Variants in VBP1 observed in about 807,000 individuals in gnomAD.
VBP1 encodes prefoldin subunit 3.
A neutral mutation model predicts 15.5 loss-of-function variants in VBP1; 4 were observed. The observed-to-expected ratio is 0.26, with a 90% CI of 0.13 to 0.59. The LOEUF (loss-of-function observed/expected upper bound fraction) is 0.59, where lower values mean the gene tolerates loss of function less well. Ranked by LOEUF, VBP1 falls within the 20% of genes least tolerant of loss-of-function variation. VBP1 has a pLI of 0.90. For synonymous variants in VBP1, 61 were observed against 52.1 expected (o/e 1.17, Z -0.74); for missense variants, 108 against 139.6 (o/e 0.77, Z 1.14).
At chrX:155,199,686 A>G (rs2074594097) in intron 1 of VBP1, among the ~76,000 whole-genome samples, 2 of 112,276 alleles carry the variant, frequency 1.8e-5, no homozygotes, top group Admixed American at 1.9e-4. Context: ...GAGGCTAGGA[A>G]GTAACTGCAT....
chrX:155,237,397 G>T (rs2074779239), intron 5 of VBP1, among the ~76,000 whole-genome samples: 1 of 111,813 alleles, frequency 8.9e-6, no homozygotes, highest in South Asian at 3.7e-4. Context: ...AACCTTTTTA[G>T]GTTCCTCTCA....
intron 1 of VBP1, among the ~76,000 whole-genome samples, chrX:155,200,308 T>G (rs1216492845): frequency 2.9e-5 from 3 of 105,172 alleles, no homozygotes; most frequent in African/African-American, 1.0e-4. Context: ...GAATATACAT[T>G]TTTTTCAGCA....
chrX:155,236,941 C>G (rs1202352952), intron 5 of VBP1, among the ~76,000 whole-genome samples: 6 of 112,320 alleles, frequency 5.3e-5, no homozygotes, highest in African/African-American at 1.9e-4. Flanking sequence ...GTGCCTTTCT[C>G]TGGTAGAACT....
upstream of VBP1, among the ~76,000 whole-genome samples, chrX:155,212,008 T>C (rs1396355974): frequency 1.8e-5 from 2 of 112,351 alleles, no homozygotes; most frequent in African/African-American, 6.5e-5. Flanking sequence ...TTCCATTCAA[T>C]CTACTTAATA....
chrX:155,228,370 T>TG lies in VBP1; in HGVS notation c.286-14_286-13insG, dbSNP rs1216422365. 251 of 1,188,212 alleles carry TG rather than the reference T, an allele frequency of 2.1e-4. 2 individuals are homozygous for TG. The highest frequency in any genetic ancestry group is 6.9e-4 in the South Asian group (37 of 53,729). On this transcript the variant is annotated splice_polypyrimidine_tract_variant and intron_variant, in intron 3 of 5. Coordinates refer to ENST00000286428, the MANE Select transcript of VBP1 (RefSeq NM_003372.7). The stretch of plus-strand genomic sequence containing the variant: ...CCTGTTTATGGTACTGTCATTTTTT[T>TG]TTTTGTTTTGAAGGAGTCCACCAAC...
chrX:155,220,073 T>G (rs2074682143), intron 1 of VBP1, 110 bp from the exon 2 acceptor site: 21 of 768,223 alleles, frequency 2.7e-5, no homozygotes, highest in Non-Finnish European at 3.8e-5. Flanking sequence ...AAACAAACCT[T>G]TGGAGAAAAA....
rs782631517 is a variant in VBP1 at position 155,224,627 on chromosome X, G to C, written c.219-2608G>C. On this transcript the variant is annotated intron_variant, in intron 2 of 5. Transcript: ENST00000286428. ...GAGGGCGAGGGTGAGGGTGAGGCTAGCCTTTTTCTTTGTATGTGTTGTAAA... is the reference window on the plus strand; with the variant it reads ...GAGGGCGAGGGTGAGGGTGAGGCTACCCTTTTTCTTTGTATGTGTTGTAAA... Among the ~76,000 whole-genome samples, 55 of 111,768 alleles carry C rather than the reference G, an allele frequency of 4.9e-4. 1 individual carries two copies. In the South Asian group the frequency reaches 0.02, roughly 40 times the overall value.
upstream of VBP1, among the ~76,000 whole-genome samples, chrX:155,212,192 T>C (rs2074647323): frequency 8.9e-6 from 1 of 112,215 alleles, no homozygotes; most frequent in Admixed American, 9.5e-5. Context: ...CCAATTATTA[T>C]ACAGGAAAAC....
chrX:155,220,161 A>G (rs782208821), intron 1 of VBP1, 22 bp from the exon 2 acceptor site: 3 of 1,181,068 alleles, frequency 2.5e-6, no homozygotes, highest in Non-Finnish European at 3.4e-6. Context: ...AAATTTGTAA[A>G]GTATTATTTT....
At chrX:155,236,957 T>TG (rs1437226974) in intron 5 of VBP1, among the ~76,000 whole-genome samples, 2 of 112,491 alleles carry the variant, frequency 1.8e-5, no homozygotes, top group Non-Finnish European at 3.7e-5. Flanking sequence ...GAACTGTACA[T>TG]GTAAAACAGC....
At chrX:155,216,942 G>A (rs2074667970) in intron 1 of VBP1, among the ~76,000 whole-genome samples, 1 of 112,370 alleles carries the variant, frequency 8.9e-6, no homozygotes, top group Non-Finnish European at 1.9e-5. Context: ...CAGCATGGAT[G>A]CTGGAGACAC....
intron 5 of VBP1, among the ~76,000 whole-genome samples, chrX:155,236,869 A>G (rs1338433418): frequency 1.8e-5 from 2 of 112,403 alleles, no homozygotes; most frequent in Non-Finnish European, 3.8e-5. Context: ...AGGGTCTCCT[A>G]TGTTCCTGCA....
rs781808891 is a variant in VBP1, at chrX:155,223,116, GT to G, written c.218+2823del. Among the ~76,000 whole-genome samples, 300 of 64,325 alleles carry G rather than the reference GT, an allele frequency of 4.7e-3. 3 individuals are homozygous for G. Among genetic ancestry groups the G allele is most frequent in the Admixed American group, 6.5e-3 (38 of 5,815 alleles). The allele number at this position is 64,325 out of a possible 115,157, so 55.9% of individuals were successfully genotyped here. ...ATGTAGTTTACATGCTAGCCTTTTT[GT>G]TTTTTTTTTTTTTCAATTTGCTATT... On this transcript the variant is annotated intron_variant, in intron 2 of 5. Transcript: ENST00000286428.
chrX:155,231,165 T>G (rs1212768832), intron 4 of VBP1, among the ~76,000 whole-genome samples: 1 of 112,261 alleles, frequency 8.9e-6, no homozygotes, highest in Non-Finnish European at 1.9e-5. Flanking sequence ...GTGGTTTCCC[T>G]GTCACCAAGG....
chrX:155,217,760 T>A lies in VBP1; in HGVS notation c.93+1185T>A, dbSNP rs6642260. The stretch of plus-strand genomic sequence containing the variant: ...AACTCGAGGTGGTAGCTACTACTGT[T>A]ATGCCCGTTTTTTAGATGATAAAAC... On this transcript the variant is annotated intron_variant, in intron 1 of 5. Coordinates refer to ENST00000286428, the MANE Select transcript of VBP1 (RefSeq NM_003372.7). 2.6e-4 allele frequency among the ~76,000 whole-genome samples: 29 copies of A among 111,739 alleles called. No individual in the cohort carries two copies. In the East Asian group the frequency reaches 6.7e-3, roughly 26 times the overall value.
chrX:155,208,522 CCTTT>C (rs1204957538), intron 1 of VBP1, among the ~76,000 whole-genome samples: 1 of 112,186 alleles, frequency 8.9e-6, no homozygotes, highest in Non-Finnish European at 1.9e-5. Context: ...CTACAAACTT[CCTTT>C]CTTTTTCCTA....
chrX:155,228,427 A>G lies in VBP1; in HGVS notation c.329A>G (p.Asn110Ser), dbSNP rs1295528091. ...SMETRFLLAD[N>S]LYCKASVPPT... ...GAGACCAGATTCTTGCTGGCAGATA[A>G]CCTGTATTGCAAAGCTTCAGTTCCT... Residue 110 changes from asparagine (N) to serine (S), a missense_variant, in exon 4 of 6, where the codon AAC becomes AGC. Coordinates refer to ENST00000286428, the MANE Select transcript of VBP1 (RefSeq NM_003372.7). 15 of 1,209,715 alleles carry G rather than the reference A, an allele frequency of 1.2e-5. No homozygotes were observed. The highest frequency in any genetic ancestry group is 4.6e-4 in the Middle Eastern group (2 of 4,347).
chrX:155,205,032 T>C (rs1284427276), intron 1 of VBP1, among the ~76,000 whole-genome samples: 2 of 112,474 alleles, frequency 1.8e-5, no homozygotes, highest in African/African-American at 6.5e-5. Context: ...TGATTCCAAC[T>C]TTCTTTTAAC....
intron 1 of VBP1, among the ~76,000 whole-genome samples, chrX:155,198,662 A>C (rs1398958500): frequency 2.7e-5 from 3 of 111,087 alleles, no homozygotes; most frequent in Non-Finnish European, 5.7e-5. Flanking sequence ...ATGGGGAAAA[A>C]ACAGAGCAGA....
Sources: allele counts gnomAD v4.1 joint callset (sites outside exome capture counted in the v4.1 genomes callset), GRCh38; gene constraint gnomAD v4.1.1; transcripts MANE v1.5; gene names NCBI Gene and HGNC (gene_info 2026-07-23, HGNC 2026-07-21).